Variants in PPFIA2 observed in about 807,000 individuals in gnomAD.
PPFIA2 encodes the protein liprin-alpha-2.
PPFIA2 carries 46 observed loss-of-function variants against 175.5 expected under a neutral mutation model. The ratio of observed to expected loss-of-function variants is 0.26; its 90% CI spans 0.21 to 0.34. The LOEUF (loss-of-function observed/expected upper bound fraction) is 0.34, where lower values mean the gene tolerates loss of function less well. PPFIA2 is among the 10% of genes least tolerant of loss of function. PPFIA2 has a pLI of 1.00. For synonymous variants in PPFIA2, 568 were observed against 511.4 expected, an observed-to-expected ratio of 1.11 and a Z score of -1.49; for missense variants, 1,179 against 1,506.1, an observed-to-expected ratio of 0.78 and a Z score of 3.60.
intron 21 of PPFIA2, among the ~76,000 whole-genome samples, chr12:81,337,894 C>T (rs1566243991): frequency 6.6e-6 from 1 of 152,070 alleles, no homozygotes; most frequent in Non-Finnish European, 1.5e-5. Flanking sequence ...ACAAAATAAT[C>T]TGTGTCTCTC....
chr12:81,751,367 C>T (rs969520937), intron 3 of PPFIA2, among the ~76,000 whole-genome samples: 6 of 151,210 alleles, frequency 4.0e-5, no homozygotes, highest in South Asian at 2.1e-4. Context: ...ATGAATTTGA[C>T]GGGTGGGAAA....
rs114430872 is a variant in PPFIA2, at chr12:81,358,738, G to A, written c.1638-521C>T. 4.8e-3 allele frequency among the ~76,000 whole-genome samples: 734 copies of A among 151,984 alleles called. 5 individuals are homozygous for A. The highest frequency in any genetic ancestry group is 0.015 in the African/African-American group (603 of 41,466). On this transcript the variant is annotated intron_variant, in intron 15 of 32. Coordinates refer to ENST00000549396, the MANE Select transcript of PPFIA2 (RefSeq NM_003625.5). ...TTTTCACATTCTATTTTTCAATTTA[G>A]AGAATCAACAAAATGCTTAAATTTA...
At chr12:81,556,397 T>G (rs2068867059) in intron 4 of PPFIA2, among the ~76,000 whole-genome samples, 1 of 151,934 alleles carries the variant, frequency 6.6e-6, no homozygotes, top group African/African-American at 2.4e-5. Context: ...ATGTCAAACT[T>G]AATTAACTCT....
At chr12:81,315,619 G>C (rs1013547467) in intron 22 of PPFIA2, among the ~76,000 whole-genome samples, 1 of 151,774 alleles carries the variant, frequency 6.6e-6, no homozygotes, top group Non-Finnish European at 1.5e-5. Flanking sequence ...GTGATGACAA[G>C]ATTCAGAATA....
chr12:81,373,142 T>G (rs1444214064), intron 11 of PPFIA2, among the ~76,000 whole-genome samples: 1 of 151,882 alleles, frequency 6.6e-6, no homozygotes, highest in Non-Finnish European at 1.5e-5. Context: ...TTTTCTGAAT[T>G]GTAAATTGTG....
intron 22 of PPFIA2, among the ~76,000 whole-genome samples, chr12:81,313,879 T>C (rs905392339): frequency 1.4e-4 from 22 of 152,004 alleles, no homozygotes; most frequent in African/African-American, 5.3e-4. Context: ...CCTTGATCAT[T>C]TTTTAAAATA....
chr12:81,722,686 G>A (rs1185627343), intron 3 of PPFIA2, among the ~76,000 whole-genome samples: 1 of 150,624 alleles, frequency 6.6e-6, no homozygotes, highest in Admixed American at 6.6e-5. Context: ...TGCAAATCAG[G>A]ACGCTACCTC....
At chr12:81,344,772 T>C in intron 18 of PPFIA2, 79 bp from the exon 19 acceptor site, 1 of 1,033,040 alleles carries the variant, frequency 9.7e-7, no homozygotes, top group East Asian at 2.6e-5. Context: ...CAATTTTAAA[T>C]AGTGTCTACA....
intron 7 of PPFIA2, among the ~76,000 whole-genome samples, chr12:81,410,342 G>A (rs1340423787): frequency 5.3e-5 from 8 of 151,992 alleles, no homozygotes; most frequent in Non-Finnish European, 8.8e-5. Context: ...TTAAATTTGG[G>A]GTCTACTAAA....
intron 22 of PPFIA2, among the ~76,000 whole-genome samples, chr12:81,313,398 A>C (rs1202654125): frequency 6.6e-6 from 1 of 152,102 alleles, no homozygotes; most frequent in Non-Finnish European, 1.5e-5. Flanking sequence ...CACCCTGCAC[A>C]TGCCTCCTCT....
In PPFIA2 at chr12:81,308,948, A is replaced by C. The variant is rs77391758; in HGVS notation, c.2643-9566T>G. Among the ~76,000 whole-genome samples, 700 of 152,310 alleles carry C rather than the reference A, an allele frequency of 4.6e-3. 3 individuals are homozygous for C. The highest frequency in any genetic ancestry group is 0.015 in the African/African-American group (631 of 41,580). ...CAGAGCTACTGATTTACTATGGCACATAAGAAGTACTTACTGATAAAACCA... is the reference window on the plus strand; with the variant it reads ...CAGAGCTACTGATTTACTATGGCACCTAAGAAGTACTTACTGATAAAACCA... On this transcript the variant is annotated intron_variant, in intron 22 of 32. Transcript: ENST00000549396.
chr12:81,525,894 G>A (rs1207428582), intron 4 of PPFIA2, among the ~76,000 whole-genome samples: 1 of 151,696 alleles, frequency 6.6e-6, no homozygotes, highest in Non-Finnish European at 1.5e-5. Flanking sequence ...TTTATTTTTG[G>A]CTAGAATAAT....
chr12:81,294,616 A>T, intron 24 of PPFIA2: 1 of 562,586 alleles, frequency 1.8e-6, no homozygotes. Flanking sequence ...TGCTAGCTCA[A>T]AAGTCTGCTA....
chr12:81,531,255 G>A (rs1306816891), intron 4 of PPFIA2, among the ~76,000 whole-genome samples: 1 of 151,856 alleles, frequency 6.6e-6, no homozygotes, highest in Non-Finnish European at 1.5e-5. Flanking sequence ...GTTGTAATTT[G>A]TCTAGAATTC....
chr12:81,679,672 C>G (rs2073235751), intron 3 of PPFIA2, among the ~76,000 whole-genome samples: 1 of 151,780 alleles, frequency 6.6e-6, no homozygotes, highest in Non-Finnish European at 1.5e-5. Flanking sequence ...ATTCTTATCT[C>G]TAAATGGGTA....
chr12:81,549,208 C>T (rs960303467), intron 4 of PPFIA2, among the ~76,000 whole-genome samples: 3 of 151,910 alleles, frequency 2.0e-5, no homozygotes, highest in Non-Finnish European at 2.9e-5. Flanking sequence ...TCTAGCTTTG[C>T]TGCTATCTTC....
intron 22 of PPFIA2, chr12:81,312,162 A>C (rs1459448000): frequency 6.5e-7 from 1 of 1,534,944 alleles, no homozygotes; most frequent in Non-Finnish European, 8.7e-7. Flanking sequence ...CAACTTACCC[A>C]GATGTGCTTT....
At chr12:81,317,700 C>T (rs1266002761) in intron 22 of PPFIA2, among the ~76,000 whole-genome samples, 1 of 151,564 alleles carries the variant, frequency 6.6e-6, no homozygotes, top group Non-Finnish European at 1.5e-5. Context: ...AGAGTTCTTT[C>T]CTTATCCAGC....
chr12:81,275,409 C>A (rs1256298431), intron 28 of PPFIA2, among the ~76,000 whole-genome samples: 2 of 152,170 alleles, frequency 1.3e-5, no homozygotes, highest in Non-Finnish European at 2.9e-5. Context: ...AAGCCCGTTC[C>A]ATTAGAACTA....
Sources: allele counts gnomAD v4.1 joint callset (sites outside exome capture counted in the v4.1 genomes callset), GRCh38; gene constraint gnomAD v4.1.1; transcripts MANE v1.5; gene names NCBI Gene and HGNC (gene_info 2026-07-23, HGNC 2026-07-21).